The following BRINP3 variants were observed in gnomAD, a reference collection of about 807,000 sequenced individuals.
BRINP3 encodes BMP/retinoic acid-inducible neural-specific protein 3.
In BRINP3, 19 loss-of-function variants were observed where a neutral mutation model predicts 71.0. The observed-to-expected ratio is 0.27, with a 90% CI of 0.19 to 0.39. The LOEUF (loss-of-function observed/expected upper bound fraction) is 0.39. BRINP3 is among the 10% of genes least tolerant of loss of function. The pLI, the probability that BRINP3 is intolerant of heterozygous loss-of-function variation, is 1.00. For synonymous variants in BRINP3, 380 were observed against 337.7 expected, an observed-to-expected ratio of 1.13 and a Z score of -1.37; for missense variants, 959 against 940.8, an observed-to-expected ratio of 1.02 and a Z score of -0.25.
intron 6 of BRINP3, among the ~76,000 whole-genome samples, chr1:190,209,579 A>G (rs2102645050): frequency 6.6e-6 from 1 of 152,286 alleles, no homozygotes; most frequent in African/African-American, 2.4e-5. Context: ...ATATTTGCTG[A>G]AGAGCATGAG....
chr1:190,319,582 G>T (rs1156434954), intron 2 of BRINP3, among the ~76,000 whole-genome samples: 1 of 152,190 alleles, frequency 6.6e-6, no homozygotes, highest in African/African-American at 2.4e-5. Context: ...GCATCAAAAA[G>T]CTTCAAATCA....
intron 2 of BRINP3, among the ~76,000 whole-genome samples, chr1:190,448,762 T>C (rs1675406866): frequency 6.6e-6 from 1 of 151,900 alleles, no homozygotes; most frequent in Non-Finnish European, 1.5e-5. Context: ...ACTTATTACA[T>C]TTGCTATATT....
chr1:190,264,822 C>T, intron 4 of BRINP3, 43 bp downstream of exon 4: 1 of 1,559,086 alleles, frequency 6.4e-7, no homozygotes, highest in Non-Finnish European at 8.7e-7. Flanking sequence ...ATAGAGGAAA[C>T]AAACAATGGA....
At chr1:190,268,592 T>C (rs1321016873) in intron 3 of BRINP3, among the ~76,000 whole-genome samples, 1 of 152,102 alleles carries the variant, frequency 6.6e-6, no homozygotes, top group East Asian at 1.9e-4. Context: ...AGAATCACAG[T>C]GTCAGAAAAA....
chr1:190,272,605 C>G (rs1662204709), intron 3 of BRINP3, among the ~76,000 whole-genome samples: 1 of 151,288 alleles, frequency 6.6e-6, no homozygotes, highest in Non-Finnish European at 1.5e-5. Context: ...TTTTCATAAG[C>G]TAGGATTTCA....
chr1:190,461,320 C>A (rs771110210), intron 1 of BRINP3, among the ~76,000 whole-genome samples: 30 of 152,266 alleles, frequency 2.0e-4, no homozygotes, highest in Middle Eastern at 3.4e-3. Context: ...GCCTGAATGA[C>A]TGTTTGGACT....
intron 4 of BRINP3, among the ~76,000 whole-genome samples, chr1:190,238,876 T>C (rs1658784738): frequency 6.6e-6 from 1 of 152,178 alleles, no homozygotes; most frequent in African/African-American, 2.4e-5. Flanking sequence ...ATTAGTGTGT[T>C]AGTCCATTTT....
chr1:190,454,999 G>A, intron 1 of BRINP3, 59 bp from the exon 2 acceptor site: 2 of 730,856 alleles, frequency 2.7e-6, no homozygotes, highest in South Asian at 2.1e-5. Context: ...TCTCAGTTAA[G>A]GTGTTGAGGT....
At chr1:190,112,765 A>G (rs1446550779) in intron 7 of BRINP3, among the ~76,000 whole-genome samples, 1 of 152,106 alleles carries the variant, frequency 6.6e-6, no homozygotes, top group East Asian at 1.9e-4. Context: ...GCATTTCCCT[A>G]GTCCTCTAAA....
chr1:190,419,359 A>C (rs1380058474), intron 2 of BRINP3, among the ~76,000 whole-genome samples: 1 of 152,098 alleles, frequency 6.6e-6, no homozygotes, highest in Non-Finnish European at 1.5e-5. Flanking sequence ...TATGGCTATA[A>C]AACATAAAAT....
At chr1:190,180,392 A>T (rs1277112785) in intron 6 of BRINP3, among the ~76,000 whole-genome samples, 2 of 152,116 alleles carry the variant, frequency 1.3e-5, no homozygotes, top group Non-Finnish European at 2.9e-5. Context: ...TAAGCATGAA[A>T]CTGAGTGTGA....
chr1:190,239,033 T>C (rs138239996), intron 4 of BRINP3, among the ~76,000 whole-genome samples: 28 of 152,246 alleles, frequency 1.8e-4, no homozygotes, highest in Middle Eastern at 3.4e-3. Context: ...AGACATGTCT[T>C]ACATGGTGGC....
intron 2 of BRINP3, among the ~76,000 whole-genome samples, chr1:190,323,459 C>A (rs565764559): frequency 1.3e-5 from 2 of 151,634 alleles, no homozygotes; most frequent in African/African-American, 2.4e-5. Context: ...ATATGAAAAC[C>A]CTTTAACGAT....
At chr1:190,463,921 C>T (rs1676563112) in intron 1 of BRINP3, among the ~76,000 whole-genome samples, 1 of 151,778 alleles carries the variant, frequency 6.6e-6, no homozygotes, top group South Asian at 2.1e-4. Context: ...TTGTTTTGCA[C>T]AATGTAGGCC....
intron 4 of BRINP3, among the ~76,000 whole-genome samples, chr1:190,257,030 G>T (rs543463118): frequency 3.0e-4 from 45 of 152,184 alleles, no homozygotes; most frequent in African/African-American, 9.9e-4. Context: ...TTGAATGTTG[G>T]CCTGACTTGC....
intron 7 of BRINP3, among the ~76,000 whole-genome samples, chr1:190,150,089 C>G (rs1294732708): frequency 6.6e-6 from 1 of 152,020 alleles, no homozygotes; most frequent in Non-Finnish European, 1.5e-5. Context: ...TGGTATGCAT[C>G]TCATAATATG....
chr1:190,208,432 T>C (rs1655704208), intron 6 of BRINP3, among the ~76,000 whole-genome samples: 1 of 152,102 alleles, frequency 6.6e-6, no homozygotes, highest in Non-Finnish European at 1.5e-5. Context: ...TAATAGCACT[T>C]TATTAAAGAG....
intron 2 of BRINP3, among the ~76,000 whole-genome samples, chr1:190,318,946 T>A (rs1191697467): frequency 2.0e-5 from 3 of 152,122 alleles, no homozygotes; most frequent in African/African-American, 7.2e-5. Context: ...TATATTTCAT[T>A]CTATCTTTCA....
At chr1:190,246,000 TC>T (rs1285682287) in intron 4 of BRINP3, among the ~76,000 whole-genome samples, 2 of 152,124 alleles carry the variant, frequency 1.3e-5, no homozygotes, top group South Asian at 4.1e-4. Context: ...ATCCAGTTTA[TC>T]ATTGTTCGAC....
Sources: allele counts gnomAD v4.1 joint callset (sites outside exome capture counted in the v4.1 genomes callset), GRCh38; gene constraint gnomAD v4.1.1; transcripts MANE v1.5; gene names NCBI Gene and HGNC (gene_info 2026-07-23, HGNC 2026-07-21).